SCHIP1: variants seen among roughly 807,000 people sequenced by gnomAD.
SCHIP1 encodes schwannomin-interacting protein 1.
A neutral mutation model predicts 29.7 loss-of-function variants in SCHIP1; 8 were observed. That is an observed-to-expected ratio of 0.27 (90% confidence interval 0.16 to 0.49). The LOEUF (loss-of-function observed/expected upper bound fraction) is 0.49. Among genes scored for constraint, SCHIP1 ranks in the 20% least tolerant of loss-of-function variants. The probability of loss-of-function intolerance (pLI) is 0.99; values close to 1 mark genes in which losing one functional copy is unlikely to be tolerated. For missense variants in SCHIP1, 193 were observed against 294.6 expected (o/e 0.66, Z 2.52); for synonymous variants, 76 against 94.9 (o/e 0.80, Z 1.16).
chr3:159,542,503 A>G, the SCHIP1 span, among the ~76,000 whole-genome samples: 1 of 152,078 alleles, frequency 6.6e-6, no homozygotes, highest in Non-Finnish European at 1.5e-5. Flanking sequence ...TTCACTGAGC[A>G]TAATCACTCA....
the SCHIP1 span, among the ~76,000 whole-genome samples, chr3:159,494,659 G>GC: frequency 0.53 from 79,520 of 151,224 alleles, 21,102 homozygotes; most frequent in East Asian, 0.68. Context: ...ATTCACAGCT[G>GC]AATTCTATCA....
the SCHIP1 span, among the ~76,000 whole-genome samples, chr3:159,727,625 A>G: frequency 6.6e-6 from 1 of 152,234 alleles, no homozygotes; most frequent in Admixed American, 6.5e-5. Context: ...GTTATCTTAT[A>G]GGATGAATCA....
chr3:159,836,585 G>T (rs906932324), upstream of SCHIP1, among the ~76,000 whole-genome samples: 3 of 151,918 alleles, frequency 2.0e-5, no homozygotes, highest in African/African-American at 7.3e-5. Flanking sequence ...GCTTTTTGTT[G>T]TTGGGCATGC....
chr3:159,544,763 ATGTATTGCAG>A, the SCHIP1 span, among the ~76,000 whole-genome samples: 4 of 152,082 alleles, frequency 2.6e-5, no homozygotes, highest in Admixed American at 2.6e-4. Flanking sequence ...TGTTAGCTAT[ATGTATTGCAG>A]ATACCTTCTC....
At chr3:159,740,689 A>G in the SCHIP1 span, among the ~76,000 whole-genome samples, 1 of 147,910 alleles carries the variant, frequency 6.8e-6, no homozygotes, top group African/African-American at 2.5e-5. Context: ...TCTGGGCCAC[A>G]GGTATGCCCC....
At chr3:159,369,193 C>T in the SCHIP1 span, among the ~76,000 whole-genome samples, 1 of 152,176 alleles carries the variant, frequency 6.6e-6, no homozygotes, top group East Asian at 1.9e-4. Context: ...CCATTATCTT[C>T]AGTAACAACC....
the SCHIP1 span, among the ~76,000 whole-genome samples, chr3:159,705,260 G>A: frequency 1.6e-3 from 241 of 152,092 alleles, 1 homozygote; most frequent in Non-Finnish European, 2.9e-3. Context: ...CACGGTGCCC[G>A]GACAACAATA....
intron 5 of SCHIP1, among the ~76,000 whole-genome samples, chr3:159,891,575 A>G (rs1717549998): frequency 1.3e-5 from 2 of 152,152 alleles, no homozygotes; most frequent in South Asian, 4.1e-4. Flanking sequence ...ACTTTCCAAT[A>G]TCTTCAGATA....
the SCHIP1 span, among the ~76,000 whole-genome samples, chr3:159,408,347 G>A: frequency 8.0e-5 from 12 of 149,674 alleles, no homozygotes; most frequent in African/African-American, 2.5e-4. Flanking sequence ...TAATTAAAAT[G>A]AAGAAAACAC....
the SCHIP1 span, among the ~76,000 whole-genome samples, chr3:159,715,363 C>T: frequency 6.6e-6 from 1 of 152,224 alleles, no homozygotes; most frequent in East Asian, 1.9e-4. Flanking sequence ...AATGCAGCTC[C>T]TCAGCAGCAA....
intron 4 of SCHIP1, 111 bp downstream of exon 5, chr3:159,888,016 G>T: frequency 2.9e-6 from 4 of 1,397,548 alleles, no homozygotes; most frequent in Non-Finnish European, 9.7e-7. Flanking sequence ...AAGGCGGTTT[G>T]TAAAAAGTCC....
chr3:159,880,031 T>C (rs1560094408), intron 2 of SCHIP1, among the ~76,000 whole-genome samples: 1 of 152,178 alleles, frequency 6.6e-6, no homozygotes, highest in Non-Finnish European at 1.5e-5. Context: ...AAAGTATGCA[T>C]AAGATTAGGA....
chr3:159,349,496 C>T, the SCHIP1 span, among the ~76,000 whole-genome samples: 3 of 152,178 alleles, frequency 2.0e-5, no homozygotes, highest in African/African-American at 7.2e-5. Context: ...TGATGCCAAT[C>T]ATTATTCTCT....
the SCHIP1 span, chr3:159,721,778 G>C: frequency 1.1e-5 from 5 of 445,230 alleles, no homozygotes; most frequent in African/African-American, 6.2e-5. Flanking sequence ...TTGTTCTGCT[G>C]TTCTTCCCCA....
At chr3:159,279,135 C>T in the SCHIP1 span, among the ~76,000 whole-genome samples, 5 of 152,152 alleles carry the variant, frequency 3.3e-5, no homozygotes, top group Non-Finnish European at 7.3e-5. Flanking sequence ...AATTGTAGCT[C>T]CCATAATCCC....
the SCHIP1 span, among the ~76,000 whole-genome samples, chr3:159,462,374 C>G: frequency 6.6e-6 from 1 of 152,130 alleles, no homozygotes; most frequent in Non-Finnish European, 1.5e-5. Context: ...ACCTGCCCTG[C>G]GTCCTCCTCA....
At chr3:159,553,967 CGTGTGTGTGTGTGTGTGTGTGTGTGT>C in the SCHIP1 span, among the ~76,000 whole-genome samples, 18 of 115,796 alleles carry the variant, frequency 1.6e-4, no homozygotes, top group Admixed American at 1.0e-3. Context: ...CGCCCAGCTA[CGTGTGTGTGTGTGTGTGTGTGTGTGT>C]GTGTGTGTGT....
the SCHIP1 span, among the ~76,000 whole-genome samples, chr3:159,758,594 G>A: frequency 6.6e-6 from 1 of 152,190 alleles, no homozygotes; most frequent in Non-Finnish European, 1.5e-5. Flanking sequence ...ATTTTAAAAA[G>A]AACAGCAGGC....
the SCHIP1 span, among the ~76,000 whole-genome samples, chr3:159,522,427 T>C: frequency 6.6e-6 from 1 of 152,214 alleles, no homozygotes; most frequent in East Asian, 1.9e-4. Context: ...AAGAGAAGGT[T>C]TCCAAGGTTT....
Sources: gnomAD v4.1 joint callset for allele counts (sites outside exome capture counted in the v4.1 genomes callset) on GRCh38, gnomAD v4.1.1 for gene constraint, MANE v1.5 for transcripts, NCBI Gene and HGNC (gene_info 2026-07-23, HGNC 2026-07-21) for gene names.